PPFIA2: variants seen among roughly 807,000 people sequenced by gnomAD.
PPFIA2 encodes liprin-alpha-2.
In PPFIA2, 46 loss-of-function variants were observed where a neutral mutation model predicts 175.5. The ratio of observed to expected loss-of-function variants is 0.26; its 90% CI spans 0.21 to 0.34. The LOEUF is 0.34. PPFIA2 is among the 10% of genes least tolerant of loss of function. The pLI is 1.00. For synonymous variants in PPFIA2, 568 were observed against 511.4 expected (o/e 1.11, Z -1.49); for missense variants, 1,179 against 1,506.1 (o/e 0.78, Z 3.60).
intron 21 of PPFIA2, among the ~76,000 whole-genome samples, chr12:81,335,970 T>G (rs2057067147): frequency 6.6e-6 from 1 of 152,144 alleles, no homozygotes; most frequent in Admixed American, 6.6e-5. Context: ...ATTCTTTACA[T>G]GGAAGAACAA....
At chr12:81,494,164 A>T (rs1222147649) in intron 4 of PPFIA2, among the ~76,000 whole-genome samples, 1 of 151,974 alleles carries the variant, frequency 6.6e-6, no homozygotes, top group Non-Finnish European at 1.5e-5. Flanking sequence ...GCAACCTACA[A>T]AATGGGAAAA....
chr12:81,275,190 C>G (rs2040201858), intron 28 of PPFIA2, among the ~76,000 whole-genome samples: 1 of 152,184 alleles, frequency 6.6e-6, no homozygotes, highest in Non-Finnish European at 1.5e-5. Context: ...TTCAACTGAA[C>G]AGCAATGCAC....
At chr12:81,639,527 A>G (rs2064647259) in intron 4 of PPFIA2, among the ~76,000 whole-genome samples, 1 of 150,138 alleles carries the variant, frequency 6.7e-6, no homozygotes, top group Admixed American at 6.7e-5. Flanking sequence ...AATTACAAAG[A>G]ACATCTACTC....
chr12:81,282,794 G>C (rs1565899618), intron 26 of PPFIA2: 1 of 375,208 alleles, frequency 2.7e-6, no homozygotes, highest in Non-Finnish European at 4.8e-6. Context: ...TTTTAAAAGA[G>C]GTAAGGTATG....
intron 18 of PPFIA2, 186 bp from the exon 19 acceptor site, chr12:81,344,879 G>A: frequency 2.0e-6 from 1 of 496,340 alleles, no homozygotes; most frequent in Non-Finnish European, 3.6e-6. Flanking sequence ...ATTTAGAGAG[G>A]GAACTTCTCA....
chr12:81,493,786 A>ATATACAC (rs1198942857), intron 4 of PPFIA2, among the ~76,000 whole-genome samples: 4 of 142,252 alleles, frequency 2.8e-5, no homozygotes, highest in Admixed American at 7.1e-5. Flanking sequence ...ATATATATAT[A>ATATACAC]TACACATTGG....
chr12:81,529,338 A>G (rs183807570), intron 4 of PPFIA2, among the ~76,000 whole-genome samples: 257 of 152,078 alleles, frequency 1.7e-3, no homozygotes, highest in Non-Finnish European at 2.8e-3. Flanking sequence ...CTAATATTTT[A>G]TTTACTTTTT....
intron 4 of PPFIA2, among the ~76,000 whole-genome samples, chr12:81,631,211 T>C (rs1202107974): frequency 6.6e-6 from 1 of 152,108 alleles, no homozygotes; most frequent in Admixed American, 6.6e-5. Flanking sequence ...GTCTATCAAA[T>C]TTTTTAACCT....
At chr12:81,706,405 C>A (rs749348793) in intron 3 of PPFIA2, among the ~76,000 whole-genome samples, 2 of 152,166 alleles carry the variant, frequency 1.3e-5, no homozygotes, top group Non-Finnish European at 2.9e-5. Context: ...AACTTCATAA[C>A]TATCTTTACT....
intron 4 of PPFIA2, among the ~76,000 whole-genome samples, chr12:81,597,204 T>G (rs1306719508): frequency 6.6e-6 from 1 of 152,046 alleles, no homozygotes; most frequent in African/African-American, 2.4e-5. Context: ...ACCTTAGGAA[T>G]GAAAGGCACA....
intron 4 of PPFIA2, among the ~76,000 whole-genome samples, chr12:81,602,937 T>C (rs549314347): frequency 6.6e-6 from 1 of 151,976 alleles, no homozygotes; most frequent in South Asian, 2.1e-4. Context: ...CAAACATCTA[T>C]CCCTGCAATC....
chr12:81,341,052 T>G, intron 20 of PPFIA2, 26 bp downstream of exon 20: 1 of 1,584,194 alleles, frequency 6.3e-7, no homozygotes, highest in Non-Finnish European at 8.6e-7. Context: ...GGGCATTCAG[T>G]GTGCAGTGTG....
At position 81,421,567 on chromosome 12, in the gene PPFIA2, G is replaced by A. The variant is rs572736127; in HGVS notation, c.646-15664C>T. On this transcript the variant is annotated intron_variant, in intron 7 of 32. Coordinates refer to ENST00000549396, the MANE Select transcript of PPFIA2 (RefSeq NM_003625.5). ...ATATACAAGAAGAAAAAAAATCAAA[G>A]CAAATAACTACAAAAAACCATCTAA... Among the ~76,000 whole-genome samples, 54 of 151,690 alleles carry A rather than the reference G, an allele frequency of 3.6e-4. No individual in the cohort carries two copies. The South Asian group carries it at 8.3e-3, about 23-fold the overall frequency.
In PPFIA2 at chr12:81,277,407, A is replaced by G; in HGVS notation, c.3220T>C (p.Leu1074=). The part of the protein sequence containing the change: ...KMVDSFHRTS[L]QYGIMCLKRL... ...TTTAAGCACATAATTCCATATTGTA[A>G]ACTTGTTCTTTTTTTTTTATTAAAA... Residue 1074 remains leucine, a synonymous_variant, in exon 28 of 33, where the codon TTA becomes CTA. Coordinates refer to ENST00000549396, the MANE Select transcript of PPFIA2 (RefSeq NM_003625.5). 1 of 1,505,052 alleles carries G rather than the reference A, an allele frequency of 6.6e-7. No homozygotes were observed. Among genetic ancestry groups the G allele is most frequent in the African/African-American group, 1.4e-5 (1 of 70,512 alleles). 93.2% of individuals were successfully genotyped at this position (1,505,052 alleles called of 1,614,324 possible). A position where few individuals can be genotyped will look rare whatever the true frequency, so the allele number is the denominator to read the frequency against.
intron 4 of PPFIA2, among the ~76,000 whole-genome samples, chr12:81,578,976 T>C (rs1363231928): frequency 6.6e-6 from 1 of 151,814 alleles, no homozygotes; most frequent in Non-Finnish European, 1.5e-5. Flanking sequence ...ATAGTTAAAA[T>C]ACATTTAAAA....
At chr12:81,267,310 C>T (rs2037568702) in intron 29 of PPFIA2, 1 of 445,078 alleles carries the variant, frequency 2.2e-6, no homozygotes, top group Non-Finnish European at 4.2e-6. Context: ...TTTGTTTAAT[C>T]TCTGAAATAT....
chr12:81,385,582 T>C lies in PPFIA2; in HGVS notation c.763-1338A>G, dbSNP rs573804172. 5.3e-5 allele frequency among the ~76,000 whole-genome samples: 8 copies of C among 152,256 alleles called. No individual in the cohort carries two copies. The South Asian group carries it at 1.7e-3, about 32-fold the overall frequency. On this transcript the variant is annotated intron_variant, in intron 8 of 32. Coordinates refer to ENST00000549396, the MANE Select transcript of PPFIA2 (RefSeq NM_003625.5). ...CAACATGGATGAGCCTGGAGGACATTATTCTAAGTGAAATAAGCCAGGCAC... is the reference window on the plus strand; with the variant it reads ...CAACATGGATGAGCCTGGAGGACATCATTCTAAGTGAAATAAGCCAGGCAC...
Position 81,327,889 on chromosome 12 carries a change from G to A in PPFIA2, c.2549-2019C>T, listed in dbSNP as rs887965511. On this transcript the variant is annotated intron_variant, in intron 21 of 32. Coordinates refer to ENST00000549396, the MANE Select transcript of PPFIA2 (RefSeq NM_003625.5). ...AGAACTTAGAAATACTCGGAGTATT[G>A]CAAAATCTAGTATCTTTTTTCAAAG... Among the ~76,000 whole-genome samples the A allele has an allele frequency of 3.9e-5, 6 of 152,078 alleles. No homozygotes were observed. The East Asian group carries it at 1.2e-3, about 29-fold the overall frequency.
chr12:81,697,016 T>C (rs905983743), intron 3 of PPFIA2, among the ~76,000 whole-genome samples: 1 of 152,042 alleles, frequency 6.6e-6, no homozygotes, highest in African/African-American at 2.4e-5. Context: ...TTGTTATGAG[T>C]CTAGAAGCTT....
Sources: gnomAD v4.1 joint callset for allele counts (sites outside exome capture counted in the v4.1 genomes callset) on GRCh38, gnomAD v4.1.1 for gene constraint, MANE v1.5 for transcripts, NCBI Gene and HGNC (gene_info 2026-07-23, HGNC 2026-07-21) for gene names.